Variants in TTLL3 observed in about 807,000 individuals in gnomAD.
TTLL3 encodes the protein tubulin tyrosine ligase like 3, also known as tubulin monoglycylase TTLL3.
Under a neutral mutation model 75.2 loss-of-function variants are expected in TTLL3, and 63 were observed. The ratio of observed to expected loss-of-function variants is 0.84; its 90% CI spans 0.68 to 1.03. The LOEUF is 1.03. TTLL3 is among the 50% of genes least tolerant of loss of function. The pLI is 0.00. For missense variants in TTLL3, 997 were observed against 1,069.9 expected (o/e 0.93, Z 0.95); for synonymous variants, 393 against 418.5 (o/e 0.94, Z 0.74).
At chr3:9,817,816 C>G in intron 6 of TTLL3, 57 bp downstream of exon 6, 1 of 1,607,840 alleles carries the variant, frequency 6.2e-7, no homozygotes, top group Non-Finnish European at 8.5e-7. Flanking sequence ...AGGGCTGAAG[C>G]TCTGGCTCAT....
intron 2 of TTLL3, among the ~76,000 whole-genome samples, chr3:9,811,774 C>G (rs1444676286): frequency 2.6e-5 from 4 of 152,228 alleles, no homozygotes. Context: ...TCCACTCACT[C>G]TGGTCTCCCT....
rs752283780 is a variant in TTLL3, at chr3:9,816,134, G to A, written c.376G>A (p.Asp126Asn). Residue 126 changes from aspartate (D) to asparagine (N), a missense_variant, in exon 5 of 14, where the codon GAC (aspartate) becomes AAC (asparagine). Physicochemically the swap from Asp to Asn is conservative, Grantham distance 23. Coordinates refer to ENST00000685419, the MANE Select transcript of TTLL3 (RefSeq NM_001387446.1). Reference protein sequence around the residue: ...FIWTTRRDVLDCRFLSKDQMI... With the variant: ...FIWTTRRDVLNCRFLSKDQMI... Reference sequence around the variant, plus strand: ...CTGGACCACTCGGCGGGATGTGCTCGACTGTCGCTTCCTCTCCAAGGATCA... The same window carrying A: ...CTGGACCACTCGGCGGGATGTGCTCAACTGTCGCTTCCTCTCCAAGGATCA... 1.3e-5 allele frequency: 18 copies of A among 1,350,514 alleles called. No homozygotes were observed. Among genetic ancestry groups the A allele is most frequent in the Admixed American group, 4.0e-5 (2 of 49,916 alleles). 83.7% of individuals were successfully genotyped at this position (1,350,514 alleles called of 1,614,324 possible).
chr3:9,821,867 G>A (rs1238049624), intron 8 of TTLL3, among the ~76,000 whole-genome samples: 3 of 151,884 alleles, frequency 2.0e-5, no homozygotes, highest in African/African-American at 7.3e-5. Flanking sequence ...GCTGGGCATG[G>A]TGGCGCACGC....
intron 6 of TTLL3, 131 bp downstream of exon 6, chr3:9,817,890 A>G: frequency 8.3e-7 from 1 of 1,205,890 alleles, no homozygotes; most frequent in Non-Finnish European, 1.2e-6. Context: ...TTCCCTTTCC[A>G]CCCTCAATCC....
At chr3:9,827,429 G>T (rs535714282) in intron 10 of TTLL3, 189 bp downstream of exon 10, 2 of 1,043,824 alleles carry the variant, frequency 1.9e-6, no homozygotes, top group Admixed American at 3.0e-5. Flanking sequence ...ACAGGGGGCG[G>T]TCTCACTCTG....
Position 9,810,559 on chromosome 3 carries a change from C to T in TTLL3, c.-41-62C>T, listed in dbSNP as rs2079254267. ...TGGCTATGGGCGGCCAGAAAAGATCCTAGGCCGAGACCCTAGGCCCAGCCT... is the reference window on the plus strand; with the variant it reads ...TGGCTATGGGCGGCCAGAAAAGATCTTAGGCCGAGACCCTAGGCCCAGCCT... On this transcript the variant is annotated intron_variant, in intron 1 of 13. Coordinates refer to ENST00000685419, the MANE Select transcript of TTLL3 (RefSeq NM_001387446.1). The surrounding 1 kb of genome is among the most constrained non-coding windows in gnomAD (Gnocchi z 4.4). 6.6e-7 allele frequency: 1 copy of T among 1,516,446 alleles called. No individual in the cohort carries two copies. The highest frequency in any genetic ancestry group is 1.4e-5 in the African/African-American group (1 of 71,568). The allele number at this position is 1,516,446 out of a possible 1,614,324, so 93.9% of individuals were successfully genotyped here. A position where few individuals can be genotyped will look rare whatever the true frequency, so the allele number is the denominator to read the frequency against.
At chr3:9,816,507 T>C (rs1301908754) in intron 5 of TTLL3, among the ~76,000 whole-genome samples, 1 of 151,106 alleles carries the variant, frequency 6.6e-6, no homozygotes, top group Non-Finnish European at 1.5e-5. Context: ...GGACCCATTC[T>C]GTCTTACCTG....
At chr3:9,830,589 A>C (rs1437744857) in intron 11 of TTLL3, among the ~76,000 whole-genome samples, 1 of 152,192 alleles carries the variant, frequency 6.6e-6, no homozygotes, top group African/African-American at 2.4e-5. Context: ...GGTTTCAAAA[A>C]ATGTAAACGG....
chr3:9,829,546 TCA>T, intron 11 of TTLL3, 151 bp downstream of exon 11: 2 of 984,076 alleles, frequency 2.0e-6, no homozygotes, highest in East Asian at 5.5e-5. Context: ...TCCTTGAGCC[TCA>T]GTTTCCTGAT....
Position 9,828,960 on chromosome 3 carries a change from C to T in TTLL3, c.1248C>T (p.Asn416=), listed in dbSNP as rs1347098606. The T allele has an allele frequency of 6.2e-7, 1 of 1,614,154 alleles. No homozygotes were observed. Among genetic ancestry groups the T allele is most frequent in the South Asian group, 1.1e-5 (1 of 91,080 alleles). ...TQPFSLKNLD[N]SVHLCNNSIQ... The stretch of plus-strand genomic sequence containing the variant: ...CTCAGTTTTCTGTTCTCTGCCCCAG[C>T]TCAGTGCACCTGTGCAACAACTCCA... The change falls in exon 11 of 14, where the codon AAC becomes AAT. Residue 416 remains asparagine, a splice_region_variant and synonymous_variant. Coordinates refer to ENST00000685419, the MANE Select transcript of TTLL3 (RefSeq NM_001387446.1).
rs778650527 is a variant in TTLL3 at position 9,833,171 on chromosome 3, C to T, written c.1751C>T (p.Pro584Leu). The change falls in exon 12 of 14, where the codon CCC becomes CTC. Residue 584 changes from proline to leucine, a missense_variant. Physicochemically the swap from Pro to Leu is moderately conservative, Grantham distance 98. Coordinates refer to ENST00000685419, the MANE Select transcript of TTLL3 (RefSeq NM_001387446.1). ...GTAGAGGGCTTCACCATCAAGAAGCCCATGGCGATGTGTCATCGGCGGATG... is the reference window on the plus strand; with the variant it reads ...GTAGAGGGCTTCACCATCAAGAAGCTCATGGCGATGTGTCATCGGCGGATG... The part of the protein sequence containing the change: ...LLVEGFTIKK[P>L]MAMCHRRMGV... 6.2e-7 allele frequency: 1 copy of T among 1,614,144 alleles called. No homozygotes were observed. Among genetic ancestry groups the T allele is most frequent in the South Asian group, 1.1e-5 (1 of 91,088 alleles).
At chr3:9,831,219 C>G (rs1293266523) in intron 11 of TTLL3, among the ~76,000 whole-genome samples, 1 of 152,102 alleles carries the variant, frequency 6.6e-6, no homozygotes, top group Non-Finnish European at 1.5e-5. Context: ...AGCCCCAGTG[C>G]CTTTTGACCC....
Position 9,817,704 on chromosome 3 carries a change from C to G in TTLL3, c.504C>G (p.Ser168=). 6.2e-7 allele frequency: 1 copy of G among 1,614,014 alleles called. No individual in the cohort carries two copies. Among genetic ancestry groups the G allele is most frequent in the Non-Finnish European group, 8.5e-7 (1 of 1,179,902 alleles). ...LPWFDEVDAN[S]FFPRCYCLGA... ...GGTTTGATGAGGTTGATGCCAACTC[C>G]TTCTTCCCACGCTGCTACTGCCTGG... Residue 168 remains serine (S), a synonymous_variant, in exon 6 of 14, where the codon TCC becomes TCG. Coordinates refer to ENST00000685419, the MANE Select transcript of TTLL3 (RefSeq NM_001387446.1).
intron 5 of TTLL3, among the ~76,000 whole-genome samples, chr3:9,817,180 T>C (rs1382952603): frequency 6.6e-6 from 1 of 152,046 alleles, no homozygotes; most frequent in Non-Finnish European, 1.5e-5. Flanking sequence ...ATCCCAGCAC[T>C]TTGGGAGGCC....
At chr3:9,811,752 C>T (rs1311349855) in intron 2 of TTLL3, among the ~76,000 whole-genome samples, 1 of 152,212 alleles carries the variant, frequency 6.6e-6, no homozygotes, top group Admixed American at 6.5e-5. Context: ...CTTTCCCCAT[C>T]ATTTTCCATG....
Position 9,835,379 on chromosome 3 carries a change from C to T in TTLL3, c.2338C>T (p.Pro780Ser). 1 of 1,614,054 alleles carries T rather than the reference C, an allele frequency of 6.2e-7. No individual in the cohort carries two copies. Among genetic ancestry groups the T allele is most frequent in the Admixed American group, 1.7e-5 (1 of 60,030 alleles). The change falls in exon 14 of 14, where the codon CCA becomes TCA. Residue 780 changes from proline (P) to serine (S), a missense_variant. Physicochemically the swap from Pro to Ser is moderately conservative, Grantham distance 74. Transcript: ENST00000685419. ...FPTALVLDPT[P>S]NKKKQVKYLG... The stretch of plus-strand genomic sequence containing the variant: ...CACTGCCCTTGTCCTGGATCCAACA[C>T]CAAATAAAAAGAAACAAGTGAAGTA...
rs772455093 is a variant in TTLL3 at position 9,816,102 on chromosome 3, A to C, written c.344A>C (p.Tyr115Ser). The C allele has an allele frequency of 7.4e-7, 1 of 1,352,664 alleles. No individual in the cohort carries two copies. The highest frequency in any genetic ancestry group is 1.2e-5 in the South Asian group (1 of 84,762). 83.8% of individuals were successfully genotyped at this position (1,352,664 alleles called of 1,614,324 possible). Residue 115 changes from tyrosine to serine, a missense_variant, in exon 5 of 14, where the codon TAC becomes TCC. Physicochemically the swap from Tyr to Ser is moderately radical, Grantham distance 144 (BLOSUM62 -2). Transcript: ENST00000685419. ...MSRMVQNEIPYFIWTTRRDVL... is the reference protein window; with the variant it reads ...MSRMVQNEIPSFIWTTRRDVL... ...CGCATGGTCCAGAATGAGATCCCCT[A>C]CTTCATCTGGACCACTCGGCGGGAT...
chr3:9,810,440 GGAC>G lies in TTLL3; in HGVS notation c.-42+50_-42+52del, dbSNP rs2079236908. On this transcript the variant is annotated intron_variant, in intron 1 of 13. Coordinates refer to ENST00000685419, the MANE Select transcript of TTLL3 (RefSeq NM_001387446.1). This position sits in a 1 kb window ranked among gnomAD's most constrained non-coding sequence, Gnocchi z 4.4. The stretch of plus-strand genomic sequence containing the variant: ...TCGCTCTGGCCTACAGCGGCTGCGA[GGAC>G]GACAAGACGCTGGGGTGGAGGGACT... 3 of 1,426,060 alleles carry G rather than the reference GGAC, an allele frequency of 2.1e-6. No homozygotes were observed. Among genetic ancestry groups the G allele is most frequent in the Non-Finnish European group, 2.7e-6 (3 of 1,094,752 alleles). The allele number at this position is 1,426,060 out of a possible 1,614,324, so 88.3% of individuals were successfully genotyped here.
chr3:9,826,890 C>A (rs2081093825), intron 9 of TTLL3, 107 bp from the exon 10 acceptor site: 2 of 1,546,444 alleles, frequency 1.3e-6, no homozygotes, highest in Non-Finnish European at 1.7e-6. Flanking sequence ...GACAGCCTTA[C>A]CCACTCAGCC....
Sources: gnomAD v4.1 joint callset for allele counts (sites outside exome capture counted in the v4.1 genomes callset) on GRCh38, gnomAD v4.1.1 for gene constraint, Gnocchi (gnomAD v3.1) non-coding constraint, MANE v1.5 for transcripts, NCBI Gene and HGNC (gene_info 2026-07-23, HGNC 2026-07-21) for gene names.